The following TCERG1L variants were observed in gnomAD, a reference collection of about 807,000 sequenced individuals.
TCERG1L encodes transcription elongation regulator 1 like, also known as transcription elongation regulator 1-like protein.
A neutral mutation model predicts 56.3 loss-of-function variants in TCERG1L; 37 were observed. That is an observed-to-expected ratio of 0.66 (90% CI 0.51 to 0.87). TCERG1L has a LOEUF of 0.87. Among genes scored for constraint, TCERG1L ranks in the 40% least tolerant of loss-of-function variants. TCERG1L has a pLI of 0.00. For missense variants in TCERG1L, 799 were observed against 774.2 expected (o/e 1.03, Z -0.38); for synonymous variants, 324 against 326.3 (o/e 0.99, Z 0.08).
At chr10:131,181,511 T>C (rs182798829) in intron 4 of TCERG1L, among the ~76,000 whole-genome samples, 253 of 152,362 alleles carry the variant, frequency 1.7e-3, no homozygotes, top group Admixed American at 5.8e-3. Flanking sequence ...ATTCAGGCTA[T>C]GGACAGAGAC....
intron 4 of TCERG1L, among the ~76,000 whole-genome samples, chr10:131,224,394 G>A (rs1365801280): frequency 6.6e-6 from 1 of 152,138 alleles, no homozygotes; most frequent in African/African-American, 2.4e-5. Flanking sequence ...AGTCCCCTGA[G>A]CAACGAGCCA....
chr10:131,244,155 G>T (rs73398431), intron 4 of TCERG1L, among the ~76,000 whole-genome samples: 116 of 152,286 alleles, frequency 7.6e-4, no homozygotes, highest in Non-Finnish European at 1.4e-3. Flanking sequence ...AAAGTGCATC[G>T]ATCGGAAGAG....
At chr10:131,257,054 A>AAAGAAAGAAAGAAAGAAAGG (rs1336988347) in intron 4 of TCERG1L, among the ~76,000 whole-genome samples, 2 of 135,386 alleles carry the variant, frequency 1.5e-5, no homozygotes, top group Non-Finnish European at 1.6e-5. Flanking sequence ...AGAAAGAAAG[A>AAAGAAAGAAAGAAAGAAAGG]AAAGAAAGAA....
intron 4 of TCERG1L, among the ~76,000 whole-genome samples, chr10:131,252,740 A>C (rs1846125584): frequency 6.6e-6 from 1 of 152,124 alleles, no homozygotes; most frequent in Admixed American, 6.5e-5. Context: ...ATCACAAATT[A>C]AATAAAGTGG....
At chr10:131,166,289 T>C (rs1846030100) in intron 5 of TCERG1L, among the ~76,000 whole-genome samples, 2 of 152,348 alleles carry the variant, frequency 1.3e-5, no homozygotes, top group East Asian at 3.9e-4. Context: ...TTAAGCGTGA[T>C]TTGTGATTTT....
chr10:131,252,250 A>T (rs1846119646), intron 4 of TCERG1L, among the ~76,000 whole-genome samples: 1 of 152,168 alleles, frequency 6.6e-6, no homozygotes, highest in African/African-American at 2.4e-5. Context: ...TGAGACCCTG[A>T]TTTCAATGGG....
chr10:131,252,615 C>T (rs933257508), intron 4 of TCERG1L, among the ~76,000 whole-genome samples: 3 of 152,136 alleles, frequency 2.0e-5, no homozygotes, highest in Admixed American at 6.5e-5. Context: ...GCAGACCAGC[C>T]GTCTCCAACG....
In TCERG1L at chr10:131,146,534, G is replaced by T; in HGVS notation, c.1161C>A (p.Pro387=). Residue 387 remains proline, a synonymous_variant, in exon 7 of 12, where the codon CCC becomes CCA. Transcript: ENST00000368642. ...CTGGTGCCTCCAGCTTGCGTTTGTG[G>T]GGCGGGTCCTCAATGATCCTGTTGA... ...GDLNRIIEDP[P]HKRKLEAPAT... The T allele has an allele frequency of 6.2e-7, 1 of 1,611,608 alleles. No homozygotes were observed. Among genetic ancestry groups the T allele is most frequent in the Non-Finnish European group, 8.5e-7 (1 of 1,178,350 alleles).
chr10:131,095,089 TCC>T lies in TCERG1L; in HGVS notation c.1605-1773_1605-1772del, dbSNP rs137881688. The T allele has an allele frequency of 7.3e-3, 1,108 of 152,756 alleles. 18 individuals carry two copies. Among genetic ancestry groups the T allele is most frequent in the East Asian group, 0.05 (256 of 5,168 alleles). 9.5% of individuals were successfully genotyped at this position (152,756 alleles called of 1,614,324 possible). On this transcript the variant is annotated intron_variant, in intron 11 of 11. Transcript: ENST00000368642. ...ATTCACAGGCCCTGGATCTCTGCTC[TCC>T]CTCTGCTAAGTGGGACTCGGGCCAG...
intron 8 of TCERG1L, among the ~76,000 whole-genome samples, chr10:131,122,661 G>T (rs990489869): frequency 6.6e-6 from 1 of 152,126 alleles, no homozygotes; most frequent in East Asian, 1.9e-4. Flanking sequence ...AACTGTAATC[G>T]TAAGCATATC....
At chr10:131,148,603 C>T (rs952063654) in intron 6 of TCERG1L, among the ~76,000 whole-genome samples, 4 of 151,960 alleles carry the variant, frequency 2.6e-5, no homozygotes, top group Admixed American at 2.0e-4. Flanking sequence ...CACATGCACA[C>T]GTAGACACAC....
chr10:131,115,817 G>A (rs763011043), intron 9 of TCERG1L, among the ~76,000 whole-genome samples: 85 of 152,168 alleles, frequency 5.6e-4, no homozygotes, highest in Non-Finnish European at 1.0e-3. Context: ...CCAGACCCAG[G>A]ACAGCACCTC....
intron 2 of TCERG1L, among the ~76,000 whole-genome samples, 191 bp downstream of exon 2, chr10:131,308,962 C>T (rs1375892666): frequency 6.6e-6 from 1 of 152,098 alleles, no homozygotes; most frequent in Non-Finnish European, 1.5e-5. Context: ...ATATCCTAAA[C>T]TAAAACAAAA....
At chr10:131,301,081 G>A (rs1364242364) in intron 3 of TCERG1L, among the ~76,000 whole-genome samples, 2 of 152,010 alleles carry the variant, frequency 1.3e-5, no homozygotes, top group African/African-American at 2.4e-5. Flanking sequence ...CACAGAAAAG[G>A]ATTCCTATAT....
In TCERG1L at chr10:131,244,022, C is replaced by T. The variant is rs1402342162; in HGVS notation, c.856+16237G>A. 2.6e-5 allele frequency among the ~76,000 whole-genome samples: 4 copies of T among 152,240 alleles called. No individual in the cohort carries two copies. The East Asian group carries it at 7.7e-4, about 29-fold the overall frequency. The stretch of plus-strand genomic sequence containing the variant: ...GCTGTGCAGCAACAGACAACGAAAA[C>T]TATCTTCCTCTTTCACAAGATGTCA... On this transcript the variant is annotated intron_variant, in intron 4 of 11. Transcript: ENST00000368642.
intron 3 of TCERG1L, among the ~76,000 whole-genome samples, chr10:131,281,259 G>A (rs548645133): frequency 1.7e-4 from 26 of 152,228 alleles, no homozygotes; most frequent in African/African-American, 3.9e-4. Context: ...CTATCACGGC[G>A]GCCTTGCAGC....
chr10:131,158,925 G>A (rs906857681), intron 6 of TCERG1L, among the ~76,000 whole-genome samples: 1 of 152,170 alleles, frequency 6.6e-6, no homozygotes, highest in East Asian at 1.9e-4. Context: ...TGCTCACCCC[G>A]CCACCAGTTC....
chr10:131,098,465 A>G (rs1471671403), intron 10 of TCERG1L, 41 bp from the exon 11 acceptor site: 5 of 1,520,826 alleles, frequency 3.3e-6, no homozygotes, highest in Non-Finnish European at 3.5e-6. Context: ...ATGAAATTGC[A>G]TATCAGAAAT....
chr10:131,136,667 T>G (rs1337251639), intron 7 of TCERG1L, among the ~76,000 whole-genome samples: 1 of 152,018 alleles, frequency 6.6e-6, no homozygotes, highest in African/African-American at 2.4e-5. Context: ...GGCTAATTTT[T>G]GTGTTTTTAG....
Sources: allele counts gnomAD v4.1 joint callset (sites outside exome capture counted in the v4.1 genomes callset), GRCh38; gene constraint gnomAD v4.1.1; transcripts MANE v1.5; gene names NCBI Gene and HGNC (gene_info 2026-07-23, HGNC 2026-07-21).